Variants in NLGN1 observed in about 807,000 individuals in gnomAD.
NLGN1 encodes the protein neuroligin 1.
A neutral mutation model predicts 65.5 loss-of-function variants in NLGN1; 12 were observed. The observed-to-expected ratio is 0.18, with a 90% CI of 0.12 to 0.30. The LOEUF (loss-of-function observed/expected upper bound fraction) is 0.30, where lower values mean the gene tolerates loss of function less well. Ranked by LOEUF, NLGN1 falls within the 10% of genes least tolerant of loss-of-function variation. The probability of loss-of-function intolerance (pLI) is 1.00; values close to 1 mark genes in which losing one functional copy is unlikely to be tolerated. For missense variants in NLGN1, 750 were observed against 1,007.1 expected (o/e 0.74, Z 3.46); for synonymous variants, 350 against 359.5 (o/e 0.97, Z 0.30).
intron 2 of NLGN1, among the ~76,000 whole-genome samples, chr3:173,518,749 G>A (rs1425690755): frequency 6.6e-6 from 1 of 152,112 alleles, no homozygotes; most frequent in Non-Finnish European, 1.5e-5. Flanking sequence ...AGGAAGCAGA[G>A]TGTAAAACTT....
At chr3:174,136,115 A>T (rs1254914803) in intron 4 of NLGN1, among the ~76,000 whole-genome samples, 1 of 152,136 alleles carries the variant, frequency 6.6e-6, no homozygotes, top group African/African-American at 2.4e-5. Flanking sequence ...GCAAGATTGG[A>T]ACAGTCCTCA....
chr3:173,491,747 A>G (rs1729204108), intron 2 of NLGN1, among the ~76,000 whole-genome samples: 1 of 151,516 alleles, frequency 6.6e-6, no homozygotes, highest in African/African-American at 2.4e-5. Flanking sequence ...GATGGTTCTT[A>G]TTTTCCTTGA....
chr3:173,723,424 T>A (rs2150015359), intron 3 of NLGN1, among the ~76,000 whole-genome samples: 1 of 152,324 alleles, frequency 6.6e-6, no homozygotes. Context: ...ACAAAAATTC[T>A]TTTATATGCT....
intron 3 of NLGN1, among the ~76,000 whole-genome samples, chr3:173,652,025 A>G (rs1204706196): frequency 6.6e-6 from 1 of 152,036 alleles, no homozygotes; most frequent in Non-Finnish European, 1.5e-5. Flanking sequence ...AACTCCTGAC[A>G]TCAAGTAATC....
exon 3 of NLGN1, chr3:173,604,364 A>G (rs887673591): frequency 3.8e-6 from 2 of 531,184 alleles, no homozygotes; most frequent in Non-Finnish European, 3.3e-6. Flanking sequence ...CTAATATGGA[A>G]AACAGAATGT....
intron 2 of NLGN1, among the ~76,000 whole-genome samples, chr3:173,592,437 T>C (rs1234519420): frequency 6.6e-6 from 1 of 152,216 alleles, no homozygotes; most frequent in Admixed American, 6.5e-5. Flanking sequence ...TAGAATCTTA[T>C]TGTATTTTCT....
chr3:173,405,316 T>G (rs1311536337), intron 1 of NLGN1, among the ~76,000 whole-genome samples: 2 of 152,096 alleles, frequency 1.3e-5, no homozygotes, highest in African/African-American at 4.8e-5. Flanking sequence ...TTCCTTAAAT[T>G]GTCCTGAACT....
At chr3:173,887,769 C>A (rs1307727753) in intron 4 of NLGN1, among the ~76,000 whole-genome samples, 1 of 151,768 alleles carries the variant, frequency 6.6e-6, no homozygotes. Flanking sequence ...TAAAAGGGAT[C>A]TTTTCAAGCA....
chr3:174,062,382 A>T (rs1274713171), intron 4 of NLGN1, among the ~76,000 whole-genome samples: 1 of 152,014 alleles, frequency 6.6e-6, no homozygotes, highest in African/African-American at 2.4e-5. Flanking sequence ...ATAGAAACTG[A>T]TTTTTTTCTT....
chr3:173,447,774 A>G (rs1720663854), intron 2 of NLGN1, among the ~76,000 whole-genome samples: 2 of 152,186 alleles, frequency 1.3e-5, no homozygotes, highest in Non-Finnish European at 1.5e-5. Context: ...GAGATCCTTC[A>G]CATCCCTTGT....
In NLGN1 at chr3:173,484,637, G is replaced by C. The variant is rs1051361833; in HGVS notation, c.-321+49559G>C. On this transcript the variant is annotated intron_variant, in intron 2 of 6. Transcript: ENST00000457714. ...AAAGGAGAATGAAGATGGAACAAAA[G>C]ACATAGGCCAATATATCTATGAAAA... Among the ~76,000 whole-genome samples, 4 of 151,982 alleles carry C rather than the reference G, an allele frequency of 2.6e-5. No homozygotes were observed. In the South Asian group the frequency reaches 8.3e-4, roughly 31 times the overall value.
intron 4 of NLGN1, among the ~76,000 whole-genome samples, chr3:174,147,552 G>A (rs1408127088): frequency 1.4e-5 from 2 of 146,970 alleles, no homozygotes; most frequent in African/African-American, 5.0e-5. Flanking sequence ...TCCTGGCTCA[G>A]CCTCCCAAGT....
intron 4 of NLGN1, among the ~76,000 whole-genome samples, chr3:174,241,169 C>T (rs920751681): frequency 6.6e-6 from 1 of 152,096 alleles, no homozygotes; most frequent in African/African-American, 2.4e-5. Flanking sequence ...AAGATAAAGT[C>T]TCTTTATACT....
chr3:173,637,238 T>A (rs955160027), intron 3 of NLGN1, among the ~76,000 whole-genome samples: 1 of 152,138 alleles, frequency 6.6e-6, no homozygotes, highest in Non-Finnish European at 1.5e-5. Flanking sequence ...TAACTGTATC[T>A]AGAAGGCAGT....
At chr3:173,506,216 T>G (rs1732010499) in intron 2 of NLGN1, among the ~76,000 whole-genome samples, 1 of 152,006 alleles carries the variant, frequency 6.6e-6, no homozygotes, top group Non-Finnish European at 1.5e-5. Context: ...GAATTTGGAG[T>G]GCTTCTAGTT....
rs144032592 is a variant in NLGN1, at chr3:173,613,459, A to G, written c.493+8368A>G. Reference sequence around the variant, plus strand: ...CTATCAAGATAGGATACGATGCATTAGTCCATATGCTTTTATAAATCCAAG... The same window carrying G: ...CTATCAAGATAGGATACGATGCATTGGTCCATATGCTTTTATAAATCCAAG... On this transcript the variant is annotated intron_variant, in intron 3 of 6. Transcript: ENST00000457714. Among the ~76,000 whole-genome samples, 3 of 152,220 alleles carry G rather than the reference A, an allele frequency of 2.0e-5. No individual in the cohort carries two copies. The East Asian group carries it at 5.8e-4, about 29-fold the overall frequency.
chr3:173,605,003 T>C (rs772278997), exon 3 of NLGN1: 4 of 1,613,448 alleles, frequency 2.5e-6, no homozygotes, highest in Non-Finnish European at 3.4e-6. Flanking sequence ...CTGTGTGGTT[T>C]ACTAATAACT....
chr3:173,511,267 A>C (rs1202535815), intron 2 of NLGN1, among the ~76,000 whole-genome samples: 1 of 152,140 alleles, frequency 6.6e-6, no homozygotes, highest in African/African-American at 2.4e-5. Flanking sequence ...TTAGGTTCAC[A>C]GCAAAACTGA....
chr3:174,195,154 C>T (rs1327916380), intron 4 of NLGN1, among the ~76,000 whole-genome samples: 2 of 152,170 alleles, frequency 1.3e-5, no homozygotes, highest in Non-Finnish European at 2.9e-5. Flanking sequence ...AGCCACCGCC[C>T]CCAGCCAAAG....
Sources: allele counts gnomAD v4.1 joint callset (sites outside exome capture counted in the v4.1 genomes callset), GRCh38; gene constraint gnomAD v4.1.1; transcripts MANE v1.5; gene names NCBI Gene and HGNC (gene_info 2026-07-23, HGNC 2026-07-21).